The following ZFYVE26 variants were observed in gnomAD, a reference collection of about 807,000 sequenced individuals.
ZFYVE26 encodes the protein zinc finger FYVE-type containing 26.
In ZFYVE26, 181 loss-of-function variants were observed where a neutral mutation model predicts 276.5. That is an observed-to-expected ratio of 0.65 (90% confidence interval 0.58 to 0.74). The LOEUF (loss-of-function observed/expected upper bound fraction) is 0.74, where lower values mean the gene tolerates loss of function less well. Among genes scored for constraint, ZFYVE26 ranks in the 30% least tolerant of loss-of-function variants. The pLI is 0.00. For synonymous variants in ZFYVE26, 1,129 were observed against 1,203.1 expected (o/e 0.94, Z 1.27); for missense variants, 2,821 against 3,097.9 (o/e 0.91, Z 2.12).
chr14:67,764,008 T>C (rs2038997733), intron 32 of ZFYVE26, among the ~76,000 whole-genome samples: 2 of 152,184 alleles, frequency 1.3e-5, no homozygotes. Context: ...TCCTGGTCCT[T>C]CACTCTTATT....
intron 35 of ZFYVE26, among the ~76,000 whole-genome samples, chr14:67,759,431 G>A (rs574766720): frequency 3.3e-5 from 5 of 151,596 alleles, no homozygotes; most frequent in African/African-American, 7.3e-5. Context: ...CGAGACCATC[G>A]TGGCCAACAT....
chr14:67,815,007 T>C (rs1017247277), intron 2 of ZFYVE26, among the ~76,000 whole-genome samples: 3 of 152,200 alleles, frequency 2.0e-5, no homozygotes, highest in Admixed American at 6.5e-5. Flanking sequence ...AGGAACTTCA[T>C]TGAAAATCAA....
downstream of ZFYVE26, among the ~76,000 whole-genome samples, chr14:67,744,531 C>T (rs868837462): frequency 1.3e-5 from 2 of 152,070 alleles, no homozygotes; most frequent in African/African-American, 2.4e-5. Flanking sequence ...AAGCCCTGCA[C>T]GCATTAGGTA....
chr14:67,764,783 T>C (rs1050912208), intron 32 of ZFYVE26, among the ~76,000 whole-genome samples: 3 of 152,158 alleles, frequency 2.0e-5, no homozygotes, highest in Non-Finnish European at 4.4e-5. Context: ...GCAAGACACC[T>C]TGGGGTGGGT....
chr14:67,729,259 C>G (rs893465802), exon 14 of ZFYVE26: 1 of 1,607,964 alleles, frequency 6.2e-7, no homozygotes, highest in Non-Finnish European at 8.5e-7. Context: ...GCACTCCTCC[C>G]TGCTCTGCCT....
chr14:67,774,470 C>A (rs1018391036), intron 27 of ZFYVE26, among the ~76,000 whole-genome samples: 2 of 151,062 alleles, frequency 1.3e-5, no homozygotes, highest in Non-Finnish European at 2.9e-5. Context: ...CTGCACTCCA[C>A]CCTGAGCAAC....
Position 67,786,231 on chromosome 14 carries a change from G to A in ZFYVE26, c.3022C>T (p.Arg1008Ter), listed in dbSNP as rs766888372. ...RLNSSLERRG[R>*]RIDHVLLNAD... ...TTTAGGAGTACGTGGTCTATCCGTC[G>A]ACCTGGAAATAGATGAAGGAAGAGG... Residue 1008 changes from arginine to a stop codon, truncating the protein, a stop_gained and splice_region_variant, in exon 17 of 42, where the codon CGA (arginine) becomes TGA (stop). Coordinates refer to ENST00000347230, the MANE Select transcript of ZFYVE26 (RefSeq NM_015346.4). LOFTEE classifies it high-confidence loss of function. The A allele has an allele frequency of 3.0e-6, 4 of 1,341,878 alleles. No individual in the cohort carries two copies. Among genetic ancestry groups the A allele is most frequent in the African/African-American group, 1.7e-5 (1 of 58,436 alleles). The allele number at this position is 1,341,878 out of a possible 1,614,324, so 83.1% of individuals were successfully genotyped here.
rs1479123908 is a variant in ZFYVE26 at position 67,814,046 on chromosome 14, G to A, written c.213C>T (p.Asn71=). 1.2e-6 allele frequency: 2 copies of A among 1,613,680 alleles called. No individual in the cohort carries two copies. The highest frequency in any genetic ancestry group is 1.3e-5 in the African/African-American group (1 of 74,900). The change falls in exon 3 of 42, where the codon AAC becomes AAT. Residue 71 remains asparagine (N), a synonymous_variant. Transcript: ENST00000347230. ...GCCAGACCCAGGCTACTCTTTGAGGGTTGATGTCCTGCCCACATCTGAAAA... is the reference window on the plus strand; with the variant it reads ...GCCAGACCCAGGCTACTCTTTGAGGATTGATGTCCTGCCCACATCTGAAAA... ...PNLLRCGQDI[N]PQRVAWVWLL...
At chr14:67,748,856 A>G (rs556661012) in intron 41 of ZFYVE26, among the ~76,000 whole-genome samples, 4 of 152,366 alleles carry the variant, frequency 2.6e-5, no homozygotes, top group African/African-American at 9.6e-5. Flanking sequence ...GTTATTACAA[A>G]TAAGCTAAGA....
chr14:67,730,473 T>C lies in ZFYVE26; in HGVS notation n.2680-654A>G, dbSNP rs79457838. ...TAAGCATTTCCTTTGAGTTGCATGT[T>C]GCTGCTAAAAATGTTTTGGATTTCA... On this transcript the variant is annotated intron_variant and non_coding_transcript_variant, in intron 13 of 14. Transcript: ENST00000394455. Among the ~76,000 whole-genome samples the C allele has an allele frequency of 5.2e-3, 789 of 152,368 alleles. 8 individuals are homozygous for C. Among genetic ancestry groups the C allele is most frequent in the African/African-American group, 0.017 (716 of 41,586 alleles).
chr14:67,781,317 A>G lies in ZFYVE26; in HGVS notation c.4569+16T>C. 1.2e-6 allele frequency: 2 copies of G among 1,613,856 alleles called. No individual in the cohort carries two copies. Among genetic ancestry groups the G allele is most frequent in the African/African-American group, 1.3e-5 (1 of 75,024 alleles). ...TGAGAAGCCCGTTCCCTTTCTCTTG[A>G]TGCGAGGGCCCATACCTTCTGATAC... On this transcript the variant is annotated intron_variant, in intron 22 of 41. Coordinates refer to ENST00000347230, the MANE Select transcript of ZFYVE26 (RefSeq NM_015346.4).
At chr14:67,803,961 CA>C (rs1405300462) in intron 9 of ZFYVE26, 139 bp downstream of exon 9, 2 of 1,091,270 alleles carry the variant, frequency 1.8e-6, no homozygotes, top group African/African-American at 1.5e-5. Flanking sequence ...TTAGGACAAA[CA>C]GTGCTCATTT....
chr14:67,765,608 T>C (rs545214741), intron 32 of ZFYVE26, among the ~76,000 whole-genome samples: 5 of 152,312 alleles, frequency 3.3e-5, no homozygotes, highest in African/African-American at 1.2e-4. Context: ...TTTGAGTGGA[T>C]AAGCAGGGAA....
intron 13 of ZFYVE26, among the ~76,000 whole-genome samples, chr14:67,740,803 G>A (rs2038408047): frequency 6.6e-6 from 1 of 152,088 alleles, no homozygotes; most frequent in South Asian, 2.1e-4. Flanking sequence ...AGCTACTCAG[G>A]AGACTGAGGC....
chr14:67,783,450 G>T lies in ZFYVE26; in HGVS notation c.3702C>A (p.Pro1234=). 1.2e-6 allele frequency: 2 copies of T among 1,614,114 alleles called. No homozygotes were observed. The highest frequency in any genetic ancestry group is 1.7e-6 in the Non-Finnish European group (2 of 1,180,034). Residue 1234 remains proline, a synonymous_variant, in exon 21 of 42, where the codon CCC becomes CCA. Coordinates refer to ENST00000347230, the MANE Select transcript of ZFYVE26 (RefSeq NM_015346.4). The part of the protein sequence containing the change: ...PQVIVSCCCE[P]LALCSSRQSQ... ...TTTGCCGGGATGAGCAAAGAGCAAG[G>T]GGCTCACAGCAGCAGCTGACGATGA...
intron 10 of ZFYVE26, chr14:67,799,630 G>T: frequency 7.1e-7 from 1 of 1,410,610 alleles, no homozygotes; most frequent in African/African-American, 1.4e-5. Context: ...CTCTTCAAAG[G>T]TCCTTAGGTG....
intron 23 of ZFYVE26, among the ~76,000 whole-genome samples, chr14:67,779,774 A>G (rs1355331665): frequency 2.0e-5 from 3 of 152,246 alleles, no homozygotes; most frequent in African/African-American, 7.2e-5. Context: ...AATCTCAGGT[A>G]TGAACACAGG....
In ZFYVE26 at chr14:67,809,202, C is replaced by T. The variant is rs201229339; in HGVS notation, c.361G>A (p.Glu121Lys). 7.0e-5 allele frequency: 113 copies of T among 1,613,762 alleles called. No individual in the cohort carries two copies. The highest frequency in any genetic ancestry group is 6.6e-4 in the Middle Eastern group (4 of 6,062). The change falls in exon 4 of 42, where the codon GAG becomes AAG. Residue 121 changes from glutamate to lysine, a missense_variant and splice_region_variant. By Grantham distance (56) the Glu-to-Lys change is moderately conservative. Transcript: ENST00000347230. ...ATGGTACCAGGGCTCTCTCTCACCT[C>T]GAGGATGTTCTCTGGAATGTCACCT... ...LQGDIPENIL[E>K]ELYETLTQGA...
At chr14:67,803,214 C>T (rs1185970184) in intron 9 of ZFYVE26, among the ~76,000 whole-genome samples, 1 of 151,840 alleles carries the variant, frequency 6.6e-6, no homozygotes, top group African/African-American at 2.4e-5. Flanking sequence ...GAACAAAAAA[C>T]CATGGTGAGA....
Sources: gnomAD v4.1 joint callset for allele counts (sites outside exome capture counted in the v4.1 genomes callset) on GRCh38, gnomAD v4.1.1 for gene constraint, MANE v1.5 for transcripts, NCBI Gene and HGNC (gene_info 2026-07-23, HGNC 2026-07-21) for gene names.